The following MYO10 variants were observed in gnomAD, a reference collection of about 807,000 sequenced individuals.
MYO10 encodes unconventional myosin-X.
MYO10 carries 133 observed loss-of-function variants against 257.3 expected under a neutral mutation model. That is an observed-to-expected ratio of 0.52 (90% CI 0.45 to 0.60). The LOEUF (loss-of-function observed/expected upper bound fraction) is 0.60. Ranked by LOEUF, MYO10 falls within the 20% of genes least tolerant of loss-of-function variation. MYO10 has a pLI of 0.00. For missense variants in MYO10, 2,399 were observed against 2,635.7 expected (o/e 0.91, Z 1.97); for synonymous variants, 1,104 against 1,028.6 (o/e 1.07, Z -1.40).
At chr5:16,821,260 ACCT>A (rs1742799933) in intron 2 of MYO10, among the ~76,000 whole-genome samples, 2 of 148,762 alleles carry the variant, frequency 1.3e-5, no homozygotes, top group Non-Finnish European at 3.0e-5. Context: ...TCCTATGTGT[ACCT>A]CCTATGTGTA....
chr5:16,923,263 T>C (rs1242610816), intron 1 of MYO10, among the ~76,000 whole-genome samples: 1 of 151,802 alleles, frequency 6.6e-6, no homozygotes, highest in African/African-American at 2.4e-5. Context: ...GTCAGAGATG[T>C]AGTGTATTTT....
intron 3 of MYO10, among the ~76,000 whole-genome samples, chr5:16,802,474 G>A (rs1742148694): frequency 6.6e-6 from 1 of 151,458 alleles, no homozygotes; most frequent in Non-Finnish European, 1.5e-5. Context: ...CTGGCTAACA[G>A]GGTGAAACCC....
At chr5:16,675,914 C>G in intron 34 of MYO10, 117 bp downstream of exon 34, 1 of 1,253,678 alleles carries the variant, frequency 8.0e-7, no homozygotes, top group Non-Finnish European at 1.1e-6. Context: ...CCTTCCAATT[C>G]ACGACGAATA....
intron 1 of MYO10, among the ~76,000 whole-genome samples, chr5:16,926,719 G>C (rs1477778939): frequency 6.9e-6 from 1 of 145,410 alleles, no homozygotes; most frequent in African/African-American, 2.5e-5. Flanking sequence ...AAAAAAAAAA[G>C]AACAATCTAA....
chr5:16,856,018 A>C (rs1393569046), intron 2 of MYO10, among the ~76,000 whole-genome samples: 1 of 152,226 alleles, frequency 6.6e-6, no homozygotes, highest in Admixed American at 6.5e-5. Context: ...GAAACGAAGC[A>C]ACTGCATTTG....
intron 2 of MYO10, among the ~76,000 whole-genome samples, chr5:16,834,477 G>A (rs1017550855): frequency 1.3e-5 from 2 of 152,116 alleles, no homozygotes; most frequent in Non-Finnish European, 2.9e-5. Flanking sequence ...TGGGGACCAG[G>A]ACTTGTCTCA....
At chr5:16,677,848 C>T (rs1049757902) in intron 33 of MYO10, among the ~76,000 whole-genome samples, 3 of 151,678 alleles carry the variant, frequency 2.0e-5, no homozygotes, top group African/African-American at 4.9e-5. Flanking sequence ...GCAACCTCTG[C>T]ATCCTGGGTT....
intron 19 of MYO10, among the ~76,000 whole-genome samples, chr5:16,723,588 C>A (rs980649526): frequency 1.3e-5 from 2 of 152,126 alleles, no homozygotes; most frequent in African/African-American, 4.8e-5. Context: ...AGTCTTAACA[C>A]ATGATCCAGC....
chr5:16,871,194 C>T (rs541404355), intron 2 of MYO10, among the ~76,000 whole-genome samples: 19 of 152,314 alleles, frequency 1.2e-4, no homozygotes, highest in African/African-American at 4.6e-4. Context: ...CTCCCCTCCT[C>T]TCAGAAATAC....
At chr5:16,837,422 G>C (rs1342093448) in intron 2 of MYO10, among the ~76,000 whole-genome samples, 4 of 152,134 alleles carry the variant, frequency 2.6e-5, no homozygotes, top group Non-Finnish European at 5.9e-5. Context: ...TCCAGAATAA[G>C]CAAATTCATA....
intron 19 of MYO10, chr5:16,713,555 GGGGA>G (rs1179469226): frequency 4.0e-5 from 37 of 918,424 alleles, no homozygotes; most frequent in Non-Finnish European, 4.3e-5. Flanking sequence ...AGCCAGGGGA[GGGGA>G]GGGAGGGAGC....
chr5:16,816,040 TA>T (rs570072651), intron 3 of MYO10, among the ~76,000 whole-genome samples: 3,275 of 91,970 alleles, frequency 0.036, 80 homozygotes, highest in African/African-American at 0.098. Flanking sequence ...TTTCACAGTG[TA>T]AAAAAAAAAA....
chr5:16,854,486 G>A (rs1316726643), intron 2 of MYO10, among the ~76,000 whole-genome samples: 2 of 152,200 alleles, frequency 1.3e-5, no homozygotes, highest in African/African-American at 4.8e-5. Context: ...TGTAAGAAAT[G>A]TCCATAACAG....
At chr5:16,844,301 G>C (rs1176515756) in intron 2 of MYO10, among the ~76,000 whole-genome samples, 1 of 152,080 alleles carries the variant, frequency 6.6e-6, no homozygotes, top group African/African-American at 2.4e-5. Context: ...TAAATCACAG[G>C]AGAAACAAAT....
chr5:16,736,858 G>A (rs1039699533), intron 19 of MYO10, among the ~76,000 whole-genome samples: 1 of 152,174 alleles, frequency 6.6e-6, no homozygotes, highest in African/African-American at 2.4e-5. Context: ...TTTTGGCTCA[G>A]CAAAGGGGAT....
intron 2 of MYO10, among the ~76,000 whole-genome samples, chr5:16,831,343 A>G (rs1193912421): frequency 1.3e-5 from 2 of 152,248 alleles, no homozygotes; most frequent in African/African-American, 4.8e-5. Context: ...TAGAACTACC[A>G]TTTGATCCAG....
At chr5:16,770,369 T>C (rs1741010236) in intron 9 of MYO10, among the ~76,000 whole-genome samples, 1 of 152,238 alleles carries the variant, frequency 6.6e-6, no homozygotes, top group Non-Finnish European at 1.5e-5. Flanking sequence ...TATCTTGGCC[T>C]GAGGATACTA....
chr5:16,751,877 C>T (rs143785353), intron 19 of MYO10, among the ~76,000 whole-genome samples: 1 of 152,224 alleles, frequency 6.6e-6, no homozygotes, highest in Non-Finnish European at 1.5e-5. Context: ...TACTTCAGGA[C>T]ATGTAAAGTG....
Position 16,818,162 on chromosome 5 carries a change from G to A in MYO10, c.126C>T (p.Phe42=), listed in dbSNP as rs1304061017. The change falls in exon 3 of 41, where the codon TTC becomes TTT. Residue 42 remains phenylalanine, a synonymous_variant. Coordinates refer to ENST00000513610, the MANE Select transcript of MYO10 (RefSeq NM_012334.3). ...VVFRTDYGQV[F]TYKQSTITHQ... ...GGGTAATTGTGCTCTGCTTGTAAGT[G>A]AATACCTGAGGGAGGGAGAGGAATT... The A allele has an allele frequency of 6.4e-6, 10 of 1,556,446 alleles. No individual in the cohort carries two copies. Among genetic ancestry groups the A allele is most frequent in the Admixed American group, 1.8e-5 (1 of 55,372 alleles).
Sources: gnomAD v4.1 joint callset for allele counts (sites outside exome capture counted in the v4.1 genomes callset) on GRCh38, gnomAD v4.1.1 for gene constraint, MANE v1.5 for transcripts, NCBI Gene and HGNC (gene_info 2026-07-23, HGNC 2026-07-21) for gene names.